The following KAZN variants were observed in gnomAD, a reference collection of about 807,000 sequenced individuals.
KAZN encodes the protein kazrin.
Under a neutral mutation model 87.4 loss-of-function variants are expected in KAZN, and 40 were observed. The observed-to-expected ratio is 0.46, with a 90% CI of 0.36 to 0.60. The LOEUF (loss-of-function observed/expected upper bound fraction) is 0.60, where lower values mean the gene tolerates loss of function less well. Among genes scored for constraint, KAZN ranks in the 20% least tolerant of loss-of-function variants. KAZN has a pLI of 0.00. For missense variants in KAZN, 898 were observed against 1,073.9 expected, an observed-to-expected ratio of 0.84 and a Z score of 2.29; for synonymous variants, 466 against 458.3, an observed-to-expected ratio of 1.02 and a Z score of -0.22.
At chr1:14,787,815 C>T (rs1396833474) in intron 1 of KAZN, among the ~76,000 whole-genome samples, 2 of 152,034 alleles carry the variant, frequency 1.3e-5, no homozygotes, top group Non-Finnish European at 2.9e-5. Flanking sequence ...CCGCAATAGC[C>T]CAGGGAGGTG....
chr1:14,082,072 G>T (rs1643695626), intron 1 of KAZN, among the ~76,000 whole-genome samples: 1 of 152,162 alleles, frequency 6.6e-6, no homozygotes, highest in South Asian at 2.1e-4. Flanking sequence ...ACTATGCCCA[G>T]CCCACTCTGT....
At chr1:14,321,334 A>C (rs982334023) in intron 2 of KAZN, among the ~76,000 whole-genome samples, 2 of 152,178 alleles carry the variant, frequency 1.3e-5, no homozygotes, top group Non-Finnish European at 2.9e-5. Context: ...CAAGGGGAAA[A>C]GGAGATTGTT....
intron 8 of KAZN, among the ~76,000 whole-genome samples, chr1:15,091,109 C>A (rs1164099131): frequency 6.6e-6 from 1 of 152,122 alleles, no homozygotes; most frequent in Non-Finnish European, 1.5e-5. Flanking sequence ...CACAAATACT[C>A]TCACACTCAC....
At chr1:13,949,267 GC>G (rs1641256591) in intron 1 of KAZN, among the ~76,000 whole-genome samples, 1 of 152,156 alleles carries the variant, frequency 6.6e-6, no homozygotes. Flanking sequence ...GCACAAAGTG[GC>G]GTTTTGTTAC....
chr1:14,752,077 G>T (rs1272858508), intron 1 of KAZN, among the ~76,000 whole-genome samples: 1 of 152,196 alleles, frequency 6.6e-6, no homozygotes, highest in Non-Finnish European at 1.5e-5. Flanking sequence ...AGATCACATG[G>T]TGAGAAAGGA....
At chr1:14,688,415 A>T (rs2148777865) in intron 1 of KAZN, among the ~76,000 whole-genome samples, 1 of 152,312 alleles carries the variant, frequency 6.6e-6, no homozygotes, top group South Asian at 2.1e-4. Context: ...TGGGTCTGAA[A>T]CTGTAAAATG....
rs1667867202 is a variant in KAZN at position 14,996,441 on chromosome 1, A to C, written c.418+35566A>C. 6.6e-6 allele frequency among the ~76,000 whole-genome samples: 1 copy of C among 151,994 alleles called. No homozygotes were observed. The highest frequency in any genetic ancestry group is 2.1e-4 in the South Asian group (1 of 4,816). ...GACTTAGTCATCACTGTATCATCAGACCCGGCACAGGGCCTGGCCTACAGT... is the reference window on the plus strand; with the variant it reads ...GACTTAGTCATCACTGTATCATCAGCCCCGGCACAGGGCCTGGCCTACAGT... On this transcript the variant is annotated intron_variant, in intron 2 of 14. Coordinates refer to ENST00000376030, the MANE Select transcript of KAZN (RefSeq NM_201628.3). This position sits in a 1 kb window ranked among gnomAD's most constrained non-coding sequence, Gnocchi z 5.9.
intron 1 of KAZN, among the ~76,000 whole-genome samples, chr1:14,750,535 T>C (rs1446778924): frequency 6.6e-6 from 1 of 151,918 alleles, no homozygotes; most frequent in Non-Finnish European, 1.5e-5. Flanking sequence ...TCTGGGATGC[T>C]CATTAGCTTT....
rs377315685 is a variant in KAZN, at chr1:14,139,402, G to A, written c.92-41033G>A. Among the ~76,000 whole-genome samples the A allele has an allele frequency of 2.9e-3, 440 of 152,286 alleles. 2 individuals are homozygous for A. The highest frequency in any genetic ancestry group is 0.01 in the African/African-American group (423 of 41,566). On this transcript the variant is annotated intron_variant, in intron 1 of 16. Transcript: ENST00000636203. ...ATCCATGTCTTAAGCCTCCACTGCC[G>A]ATGTCCTTCCCATCACATCACACGT... is the stretch of plus-strand genomic sequence containing the variant.
At chr1:15,083,197 G>A (rs1442230361) in intron 8 of KAZN, among the ~76,000 whole-genome samples, 1 of 152,184 alleles carries the variant, frequency 6.6e-6, no homozygotes, top group Non-Finnish European at 1.5e-5. Flanking sequence ...GCTCTGGATG[G>A]CTCCTAGACA....
intron 1 of KAZN, among the ~76,000 whole-genome samples, chr1:14,858,229 T>TTTTTTTTTTTTG (rs1352802605): frequency 6.8e-6 from 1 of 146,536 alleles, no homozygotes; most frequent in African/African-American, 2.6e-5. Flanking sequence ...TTTTTTTTTT[T>TTTTTTTTTTTTG]TGAGACAAAG....
intron 1 of KAZN, among the ~76,000 whole-genome samples, chr1:13,920,105 T>C (rs181359277): frequency 2.0e-5 from 3 of 151,920 alleles, no homozygotes; most frequent in African/African-American, 7.2e-5. Context: ...CAAAAATTAG[T>C]TGGGGCTGGT....
chr1:14,166,966 T>C (rs1019699176), intron 1 of KAZN, among the ~76,000 whole-genome samples: 1 of 152,200 alleles, frequency 6.6e-6, no homozygotes, highest in Non-Finnish European at 1.5e-5. Flanking sequence ...CCCCTAACTC[T>C]GTATGAAGAA....
At chr1:14,197,664 T>A (rs1238168102) in intron 2 of KAZN, among the ~76,000 whole-genome samples, 3 of 152,186 alleles carry the variant, frequency 2.0e-5, no homozygotes, top group African/African-American at 7.2e-5. Context: ...CTTCAGCCTG[T>A]GTGACACAGC....
chr1:14,202,628 T>A (rs1646662772), intron 2 of KAZN, among the ~76,000 whole-genome samples: 1 of 152,148 alleles, frequency 6.6e-6, no homozygotes, highest in South Asian at 2.1e-4. Flanking sequence ...ATGGGAACAT[T>A]ATTATTTTAG....
intron 13 of KAZN, among the ~76,000 whole-genome samples, chr1:15,108,470 C>G (rs954038575): frequency 2.6e-5 from 4 of 152,216 alleles, no homozygotes; most frequent in African/African-American, 4.8e-5. Flanking sequence ...GTTTTTTCAG[C>G]TTGCAATGGG....
rs1207921630 is a variant in KAZN at position 14,769,092 on chromosome 1, T to G, written c.226+169869T>G. ...AAGAGCCCATTTGAAGGCTCAACCCTTTAGAGCTCCCTTTGCTGTCCATTC... is the reference window on the plus strand; with the variant it reads ...AAGAGCCCATTTGAAGGCTCAACCCGTTAGAGCTCCCTTTGCTGTCCATTC... On this transcript the variant is annotated intron_variant, in intron 1 of 14. Coordinates refer to ENST00000376030, the MANE Select transcript of KAZN (RefSeq NM_201628.3). This position sits in a 1 kb window ranked among gnomAD's most constrained non-coding sequence, Gnocchi z 4.1. Among the ~76,000 whole-genome samples, 1 of 152,200 alleles carries G rather than the reference T, an allele frequency of 6.6e-6. No homozygotes were observed. Among genetic ancestry groups the G allele is most frequent in the East Asian group, 1.9e-4 (1 of 5,188 alleles).
chr1:14,983,574 A>G (rs1489145279), intron 2 of KAZN, among the ~76,000 whole-genome samples: 1 of 152,160 alleles, frequency 6.6e-6, no homozygotes, highest in African/African-American at 2.4e-5. Context: ...TGCTACTTCT[A>G]GGGATGTACC....
intron 1 of KAZN, among the ~76,000 whole-genome samples, chr1:14,904,236 C>T (rs1210051060): frequency 6.9e-6 from 1 of 144,964 alleles, no homozygotes; most frequent in Admixed American, 7.2e-5. Flanking sequence ...ACTTGGGAGG[C>T]GGAGTTTGCA....
Sources: allele counts gnomAD v4.1 joint callset (sites outside exome capture counted in the v4.1 genomes callset), GRCh38; gene constraint gnomAD v4.1.1; non-coding constraint Gnocchi (gnomAD v3.1); transcripts MANE v1.5; gene names NCBI Gene and HGNC (gene_info 2026-07-23, HGNC 2026-07-21).